MYOF: variants seen among roughly 807,000 people sequenced by gnomAD.
MYOF encodes the protein myoferlin.
Under a neutral mutation model 284.2 loss-of-function variants are expected in MYOF, and 244 were observed. The observed-to-expected ratio is 0.86, with a 90% CI of 0.77 to 0.95. MYOF has a LOEUF of 0.95. MYOF is among the 40% of genes least tolerant of loss of function. The pLI is 0.00. For synonymous variants in MYOF, 904 were observed against 919.7 expected, an observed-to-expected ratio of 0.98 and a Z score of 0.31; for missense variants, 2,496 against 2,560.6, an observed-to-expected ratio of 0.97 and a Z score of 0.54.
In MYOF at chr10:93,387,828, G is replaced by A. The variant is rs779480751; in HGVS notation, c.1667C>T (p.Pro556Leu). 11 of 1,613,932 alleles carry A rather than the reference G, an allele frequency of 6.8e-6. No homozygotes were observed. The African/African-American group carries it at 1.3e-4, about 20-fold the overall frequency. ...AACCAGCAGGTCATCATTTGAAATGGGCTCAAGCTTTTTATCTGGTGGTGT... is the reference window on the plus strand; with the variant it reads ...AACCAGCAGGTCATCATTTGAAATGAGCTCAAGCTTTTTATCTGGTGGTGT... ...EKTPPDKKLE[P>L]ISNDDLLVVE... Residue 556 changes from proline (P) to leucine (L), a missense_variant, in exon 19 of 54, where the codon CCC (proline) becomes CTC (leucine). Pro to Leu is a moderately conservative substitution (Grantham distance 98). Transcript: ENST00000359263.
At position 93,377,368 on chromosome 10, in the gene MYOF, G is replaced by T; in HGVS notation, c.2063C>A (p.Ala688Asp). Residue 688 changes from alanine to aspartate, a missense_variant, in exon 22 of 54, where the codon GCT (alanine) becomes GAT (aspartate). Physicochemically the swap from Ala to Asp is moderately radical, Grantham distance 126. Coordinates refer to ENST00000359263, the MANE Select transcript of MYOF (RefSeq NM_013451.4). ...IQGKIPANQLAELWLKLIDEV... is the reference protein window; with the variant it reads ...IQGKIPANQLDELWLKLIDEV... ...ATCTATCAGCTTCAGCCACAATTCA[G>T]CCAGCTGGTTTGCAGGAATTTTACC... The T allele has an allele frequency of 6.2e-7, 1 of 1,614,074 alleles. No individual in the cohort carries two copies. Among genetic ancestry groups the T allele is most frequent in the Non-Finnish European group, 8.5e-7 (1 of 1,180,004 alleles).
At chr10:93,383,568 C>T (rs1181647411) in intron 19 of MYOF, among the ~76,000 whole-genome samples, 1 of 152,150 alleles carries the variant, frequency 6.6e-6, no homozygotes, top group African/African-American at 2.4e-5. Flanking sequence ...GCGAAGCCCC[C>T]TGGAATACCC....
At chr10:93,439,699 G>A (rs1437523854) in intron 3 of MYOF, among the ~76,000 whole-genome samples, 1 of 152,198 alleles carries the variant, frequency 6.6e-6, no homozygotes, top group Non-Finnish European at 1.5e-5. Context: ...GGATTAAAAG[G>A]ATGATATGGC....
At chr10:93,420,735 G>T (rs1564703987) in intron 5 of MYOF, among the ~76,000 whole-genome samples, 1 of 152,112 alleles carries the variant, frequency 6.6e-6, no homozygotes, top group African/African-American at 2.4e-5. Flanking sequence ...CAGGAGGATG[G>T]GACGCAGAGA....
chr10:93,331,874 T>C (rs1040777691), intron 43 of MYOF, among the ~76,000 whole-genome samples: 2 of 152,224 alleles, frequency 1.3e-5, no homozygotes, highest in African/African-American at 4.8e-5. Flanking sequence ...AAGAACACAG[T>C]ATTCTCTCAC....
chr10:93,459,654 CAT>C (rs529861170), intron 1 of MYOF, among the ~76,000 whole-genome samples: 283 of 152,320 alleles, frequency 1.9e-3, no homozygotes, highest in Non-Finnish European at 3.2e-3. Context: ...AAATGTAACA[CAT>C]GTGATGGGCT....
chr10:93,380,452 T>C (rs1846060787), intron 20 of MYOF, among the ~76,000 whole-genome samples: 1 of 152,224 alleles, frequency 6.6e-6, no homozygotes, highest in African/African-American at 2.4e-5. Flanking sequence ...CTTACTGTGA[T>C]TAAGAATTAT....
intron 50 of MYOF, among the ~76,000 whole-genome samples, chr10:93,315,966 G>GA (rs34283358): frequency 0.02 from 2,886 of 141,580 alleles, 66 homozygotes; most frequent in African/African-American, 0.06. Flanking sequence ...ACTAAAAAGT[G>GA]AAAAAAAAAA....
chr10:93,476,245 CTTT>C (rs67108011), intron 1 of MYOF, among the ~76,000 whole-genome samples: 119 of 65,014 alleles, frequency 1.8e-3, no homozygotes, highest in Admixed American at 4.2e-3. Flanking sequence ...CTTCCCCATT[CTTT>C]TTTTTTTTTT....
chr10:93,360,975 C>T (rs1301203536), intron 28 of MYOF, among the ~76,000 whole-genome samples: 1 of 152,228 alleles, frequency 6.6e-6, no homozygotes, highest in African/African-American at 2.4e-5. Flanking sequence ...ATACACTTGC[C>T]TTTCCCTTGG....
At chr10:93,374,127 T>C (rs886979626) in intron 23 of MYOF, among the ~76,000 whole-genome samples, 1 of 152,190 alleles carries the variant, frequency 6.6e-6, no homozygotes, top group Non-Finnish European at 1.5e-5. Flanking sequence ...TTTTCTGTCC[T>C]TGTGATAGTT....
intron 52 of MYOF, 86 bp from the exon 53 acceptor site, chr10:93,310,253 A>G (rs1457095661): frequency 1.3e-6 from 2 of 1,497,590 alleles, no homozygotes; most frequent in Non-Finnish European, 1.8e-6. Context: ...TCAGGAATAA[A>G]GAATCACATT....
chr10:93,454,417 AC>A lies in MYOF; in HGVS notation c.145-2277del, dbSNP rs557027638. ...AGCACATCTCTCTCTGCCATTGGTC[AC>A]GTGGCTTGATCTCAATCTCAAATTT... is the stretch of plus-strand genomic sequence containing the variant. On this transcript the variant is annotated intron_variant, in intron 2 of 53. Coordinates refer to ENST00000359263, the MANE Select transcript of MYOF (RefSeq NM_013451.4). 8.5e-5 allele frequency among the ~76,000 whole-genome samples: 13 copies of A among 152,350 alleles called. No individual in the cohort carries two copies. The East Asian group carries it at 2.5e-3, about 29-fold the overall frequency.
At chr10:93,473,491 C>T (rs1400514748) in intron 1 of MYOF, among the ~76,000 whole-genome samples, 2 of 152,218 alleles carry the variant, frequency 1.3e-5, no homozygotes, top group East Asian at 3.8e-4. Flanking sequence ...AGAGGCCTCA[C>T]TAAGGACAGC....
chr10:93,455,859 G>T (rs2056732767), intron 2 of MYOF, among the ~76,000 whole-genome samples: 1 of 152,148 alleles, frequency 6.6e-6, no homozygotes, highest in Admixed American at 6.5e-5. Flanking sequence ...AATGGAGCTG[G>T]CCATCAACTG....
In MYOF at chr10:93,310,003, C is replaced by T; in HGVS notation, c.6147+17G>A. 1 of 1,613,792 alleles carries T rather than the reference C, an allele frequency of 6.2e-7. No homozygotes were observed. The highest frequency in any genetic ancestry group is 1.1e-5 in the South Asian group (1 of 91,034). On this transcript the variant is annotated intron_variant, in intron 53 of 53. Coordinates refer to ENST00000359263, the MANE Select transcript of MYOF (RefSeq NM_013451.4). ...TCACAAGAAAGCCAAGACAAGGGGC[C>T]AAGGAAGGGCTCCTACCGGCAAAGA...
chr10:93,378,693 GTATATATA>G lies in MYOF; in HGVS notation c.2001+1162_2001+1169del, dbSNP rs66859494. Among the ~76,000 whole-genome samples, 119 of 87,892 alleles carry G rather than the reference GTATATATA, an allele frequency of 1.4e-3. 4 individuals carry two copies. In the South Asian group the frequency reaches 0.02, roughly 15 times the overall value. The allele number at this position is 87,892 out of a possible 152,430, so 57.7% of individuals were successfully genotyped here. On this transcript the variant is annotated intron_variant, in intron 21 of 53. Transcript: ENST00000359263. Reference sequence around the variant, plus strand: ...TATGTGTGTGTGTATGTGTGTGTGTGTATATATATATATATATATATATGTATATATTT... The same window carrying G: ...TATGTGTGTGTGTATGTGTGTGTGTGTATATATATATATATGTATATATTT...
intron 3 of MYOF, among the ~76,000 whole-genome samples, chr10:93,435,584 C>A (rs1008691457): frequency 1.3e-5 from 2 of 152,192 alleles, no homozygotes; most frequent in Non-Finnish European, 2.9e-5. Flanking sequence ...TTCTCAAATG[C>A]TTTCCAGCTC....
intron 13 of MYOF, among the ~76,000 whole-genome samples, chr10:93,399,018 C>T (rs1847150433): frequency 1.7e-5 from 1 of 60,460 alleles, no homozygotes; most frequent in African/African-American, 3.8e-5. Context: ...CAGGAAGGGG[C>T]AACAGGGCAC....
Sources: allele counts gnomAD v4.1 joint callset (sites outside exome capture counted in the v4.1 genomes callset), GRCh38; gene constraint gnomAD v4.1.1; transcripts MANE v1.5; gene names NCBI Gene and HGNC (gene_info 2026-07-23, HGNC 2026-07-21).